TCF20: variants seen among roughly 807,000 people sequenced by gnomAD.
TCF20 encodes SPRE-binding protein.
TCF20 carries 3 observed loss-of-function variants against 148.6 expected under a neutral mutation model. The observed-to-expected ratio is 0.02, with a 90% CI of 0.01 to 0.05. The LOEUF is 0.05. Among genes scored for constraint, TCF20 ranks in the 10% least tolerant of loss-of-function variants. TCF20 has a pLI of 1.00. For synonymous variants in TCF20, 1,049 were observed against 909.5 expected (o/e 1.15, Z -2.76); for missense variants, 2,350 against 2,429.3 (o/e 0.97, Z 0.69).
rs1019132083 is a variant in TCF20, at chr22:42,239,727, T to C, written c.-36-24386A>G. Among the ~76,000 whole-genome samples, 8 of 152,200 alleles carry C rather than the reference T, an allele frequency of 5.3e-5. No homozygotes were observed. The East Asian group carries it at 5.8e-4, about 11-fold the overall frequency. On this transcript the variant is annotated intron_variant, in intron 1 of 5. Coordinates refer to ENST00000677622, the MANE Select transcript of TCF20 (RefSeq NM_001378418.1). ...GCTAGAACCCAGGAGGTGGAGGTTG[T>C]AGTGAGCCGAGATGGCGCCACTTCA... is the stretch of plus-strand genomic sequence containing the variant.
In TCF20 at chr22:42,333,433, G is replaced by A. The variant is rs1016450991; in HGVS notation, c.-37+10046C>T. Among the ~76,000 whole-genome samples, 11 of 152,310 alleles carry A rather than the reference G, an allele frequency of 7.2e-5. No individual in the cohort carries two copies. In the East Asian group the frequency reaches 1.5e-3, roughly 21 times the overall value. On this transcript the variant is annotated intron_variant, in intron 1 of 1. Transcript: ENST00000515426. Reference sequence around the variant, plus strand: ...TCGCTGTGCAGAGGCTTTAGAGGACGGTGCACCAGGGCTGTGCACAAGCCT... The same window carrying A: ...TCGCTGTGCAGAGGCTTTAGAGGACAGTGCACCAGGGCTGTGCACAAGCCT...
intron 1 of TCF20, among the ~76,000 whole-genome samples, chr22:42,280,449 G>A (rs1008300544): frequency 6.6e-6 from 1 of 152,224 alleles, no homozygotes; most frequent in Non-Finnish European, 1.5e-5. Flanking sequence ...TGCTAAGCAA[G>A]GGGACTGGTT....
chr22:42,210,378 A>G lies in TCF20; in HGVS notation c.4928T>C (p.Leu1643Pro), dbSNP rs1384817339. The G allele has an allele frequency of 6.2e-7, 1 of 1,614,238 alleles. No homozygotes were observed. Among genetic ancestry groups the G allele is most frequent in the African/African-American group, 1.3e-5 (1 of 75,050 alleles). The change falls in exon 2 of 6, where the codon CTT becomes CCT. Residue 1643 changes from leucine to proline, a missense_variant. Transcript: ENST00000677622. The surrounding 1 kb of genome is among the most constrained non-coding windows in gnomAD (Gnocchi z 4.7). ...ATTGATGATTGTACAAACGGCTCCA[A>G]GTTCACACTTATTTACTACATGGAT... is the stretch of plus-strand genomic sequence containing the variant. ...PYIHVVNKCE[L>P]GAVCTIINAE...
chr22:42,274,238 C>T, upstream of TCF20: 1 of 152,806 alleles, frequency 6.5e-6, no homozygotes. Flanking sequence ...CCCACAGCCT[C>T]CTGCTGTGCC....
intron 2 of TCF20, among the ~76,000 whole-genome samples, chr22:42,192,361 T>G (rs1270773997): frequency 1.3e-5 from 2 of 152,186 alleles, no homozygotes; most frequent in East Asian, 3.8e-4. Flanking sequence ...GTCTTTCTCA[T>G]TTTTACTCCT....
At chr22:42,336,318 G>A (rs1928067373) in intron 1 of TCF20, among the ~76,000 whole-genome samples, 1 of 152,066 alleles carries the variant, frequency 6.6e-6, no homozygotes, top group South Asian at 2.1e-4. Flanking sequence ...TCTCTCTCCA[G>A]GCCTCAGGCT....
At chr22:42,201,194 G>C (rs1172932024) in intron 2 of TCF20, among the ~76,000 whole-genome samples, 1 of 152,212 alleles carries the variant, frequency 6.6e-6, no homozygotes, top group Non-Finnish European at 1.5e-5. Flanking sequence ...CCCAGAAGCT[G>C]AGCAGATGCA....
At chr22:42,271,943 C>T (rs1362045655), upstream of TCF20, among the ~76,000 whole-genome samples, 1 of 148,618 alleles carries the variant, frequency 6.7e-6, no homozygotes, top group Non-Finnish European at 1.5e-5. Flanking sequence ...TGCCTTTTCT[C>T]AGGCTACCCA....
At chr22:42,302,672 G>A (rs1255593375) in intron 1 of TCF20, among the ~76,000 whole-genome samples, 2 of 152,160 alleles carry the variant, frequency 1.3e-5, no homozygotes, top group Non-Finnish European at 2.9e-5. Flanking sequence ...AAAGAAGGAA[G>A]AACAGAAACA....
chr22:42,165,289 G>A (rs1434258662), intron 5 of TCF20, among the ~76,000 whole-genome samples: 3 of 152,254 alleles, frequency 2.0e-5, no homozygotes, highest in Non-Finnish European at 4.4e-5. Context: ...TCCCTGCCTT[G>A]CTCAGCGTCC....
intron 1 of TCF20, among the ~76,000 whole-genome samples, chr22:42,220,859 A>G (rs571129923): frequency 6.6e-6 from 1 of 152,278 alleles, no homozygotes; most frequent in African/African-American, 2.4e-5. Flanking sequence ...CACTTTCTCC[A>G]AACTCCAGGA....
chr22:42,246,261 C>G (rs192384471), intron 1 of TCF20, among the ~76,000 whole-genome samples: 2 of 152,204 alleles, frequency 1.3e-5, no homozygotes, highest in Non-Finnish European at 2.9e-5. Flanking sequence ...CATGCCACCA[C>G]GCCCAGCTAA....
rs1231995081 is a variant in TCF20 at position 42,322,727 on chromosome 22, T to G, written c.-37+20752A>C. 5.1e-5 allele frequency among the ~76,000 whole-genome samples: 7 copies of G among 137,402 alleles called. 1 individual carries two copies. The highest frequency in any genetic ancestry group is 9.5e-5 in the African/African-American group (3 of 31,464). The allele number at this position is 137,402 out of a possible 152,430, so 90.1% of individuals were successfully genotyped here. On this transcript the variant is annotated intron_variant, in intron 1 of 1. Transcript: ENST00000515426. ...CTGAGGGAATGAATAAGTGTCTGAG[T>G]GAATGAATGAGTGCCCGAGGGAATG...
At chr22:42,259,619 A>T (rs903294250) in intron 1 of TCF20, among the ~76,000 whole-genome samples, 1 of 152,290 alleles carries the variant, frequency 6.6e-6, no homozygotes, top group East Asian at 1.9e-4. Context: ...TTCTATTTTA[A>T]TGAATGGCAA....
intron 3 of TCF20, among the ~76,000 whole-genome samples, chr22:42,172,136 C>A (rs1936167866): frequency 6.6e-6 from 1 of 151,920 alleles, no homozygotes; most frequent in Non-Finnish European, 1.5e-5. Context: ...ACAAGGCCTC[C>A]CATGCAGGAA....
intron 1 of TCF20, among the ~76,000 whole-genome samples, chr22:42,255,865 C>A (rs573975083): frequency 2.0e-5 from 3 of 152,250 alleles, no homozygotes; most frequent in African/African-American, 7.2e-5. Context: ...GTGCCCCAGC[C>A]CCAGGTTCAA....
upstream of TCF20, among the ~76,000 whole-genome samples, chr22:42,288,744 A>G (rs1927079309): frequency 7.4e-6 from 1 of 135,960 alleles, no homozygotes; most frequent in South Asian, 2.4e-4. Flanking sequence ...AAAAAAAAAA[A>G]AAGACAGAGA....
At chr22:42,261,974 G>A (rs1247467441) in intron 1 of TCF20, among the ~76,000 whole-genome samples, 1 of 152,180 alleles carries the variant, frequency 6.6e-6, no homozygotes, top group Non-Finnish European at 1.5e-5. Flanking sequence ...CTGGGTGACA[G>A]AGCAAGACTC....
chr22:42,289,997 G>A (rs898051928), intron 1 of TCF20, among the ~76,000 whole-genome samples: 3 of 152,326 alleles, frequency 2.0e-5, no homozygotes, highest in East Asian at 1.9e-4. Context: ...TATTCTCCTC[G>A]GCGTGTGCAG....
Sources: allele counts gnomAD v4.1 joint callset (sites outside exome capture counted in the v4.1 genomes callset), GRCh38; gene constraint gnomAD v4.1.1; non-coding constraint Gnocchi (gnomAD v3.1); transcripts MANE v1.5; gene names NCBI Gene and HGNC (gene_info 2026-07-23, HGNC 2026-07-21).